The following MYO18B variants were observed in gnomAD, a reference collection of about 807,000 sequenced individuals.
MYO18B encodes the protein myosin XVIIIB.
Under a neutral mutation model 273.0 loss-of-function variants are expected in MYO18B, and 204 were observed. The ratio of observed to expected loss-of-function variants is 0.75; its 90% CI spans 0.67 to 0.84. The LOEUF (loss-of-function observed/expected upper bound fraction) is 0.84. Among genes scored for constraint, MYO18B ranks in the 40% least tolerant of loss-of-function variants. MYO18B has a pLI of 0.00. For missense variants in MYO18B, 3,212 were observed against 3,287.6 expected, an observed-to-expected ratio of 0.98 and a Z score of 0.56; for synonymous variants, 1,330 against 1,305.7, an observed-to-expected ratio of 1.02 and a Z score of -0.40.
Position 26,026,688 on chromosome 22 carries a change from G to C in MYO18B, c.6714G>C (p.Leu2238=). 6.2e-7 allele frequency: 1 copy of C among 1,613,918 alleles called. No individual in the cohort carries two copies. Among genetic ancestry groups the C allele is most frequent in the Non-Finnish European group, 8.5e-7 (1 of 1,179,882 alleles). Residue 2238 remains leucine (L), a synonymous_variant, in exon 43 of 44, where the codon CTG becomes CTC. Coordinates refer to ENST00000335473, the MANE Select transcript of MYO18B (RefSeq NM_032608.7). ...CTCGGAGTACAAATACATCCCCGCTGTCGAGGGAAAAGCTGCCCAGTCCTT... is the reference window on the plus strand; with the variant it reads ...CTCGGAGTACAAATACATCCCCGCTCTCGAGGGAAAAGCTGCCCAGTCCTT... ...LASRSTNTSP[L]SREKLPSPSA...
chr22:25,932,262 T>G (rs549774508), intron 34 of MYO18B, among the ~76,000 whole-genome samples: 101 of 152,320 alleles, frequency 6.6e-4, no homozygotes, highest in African/African-American at 2.4e-3. Flanking sequence ...ATTTTCTGAA[T>G]TATCTAAAAG....
intron 10 of MYO18B, 104 bp from the exon 11 acceptor site, chr22:25,785,324 G>A (rs1199118830): frequency 9.3e-7 from 1 of 1,081,038 alleles, no homozygotes; most frequent in Non-Finnish European, 1.4e-6. Context: ...CAGCCCCTGG[G>A]GTGTCCGGGC....
intron 7 of MYO18B, among the ~76,000 whole-genome samples, chr22:25,774,251 C>T (rs1264540484): frequency 4.6e-5 from 7 of 152,218 alleles, no homozygotes; most frequent in South Asian, 2.1e-4. Context: ...CTCCCACCAC[C>T]GCTGTCCATG....
At position 25,895,182 on chromosome 22, in the gene MYO18B, T is replaced by C; in HGVS notation, c.4570T>C (p.Cys1524Arg). ...AGACGAGTGGCAGATGCGCTTCGACTGTGCTCAGATGGAGAACGAGTTCCT... is the reference window on the plus strand; with the variant it reads ...AGACGAGTGGCAGATGCGCTTCGACCGTGCTCAGATGGAGAACGAGTTCCT... ...GADEWQMRFDCAQMENEFLRK... is the reference protein window; with the variant it reads ...GADEWQMRFDRAQMENEFLRK... The change falls in exon 28 of 44, where the codon TGT becomes CGT. Residue 1524 changes from cysteine (C) to arginine (R), a missense_variant. Physicochemically the swap from Cys to Arg is radical, Grantham distance 180. Coordinates refer to ENST00000335473, the MANE Select transcript of MYO18B (RefSeq NM_032608.7). 1 of 1,612,370 alleles carries C rather than the reference T, an allele frequency of 6.2e-7. No homozygotes were observed. Among genetic ancestry groups the C allele is most frequent in the South Asian group, 1.1e-5 (1 of 90,388 alleles).
intron 11 of MYO18B, among the ~76,000 whole-genome samples, chr22:25,791,409 G>T (rs1295842555): frequency 1.3e-5 from 2 of 152,060 alleles, no homozygotes; most frequent in African/African-American, 4.8e-5. Flanking sequence ...GCGCTGGCCG[G>T]GTCCTCAGAG....
chr22:25,803,223 A>G (rs2088303215), intron 12 of MYO18B, among the ~76,000 whole-genome samples: 1 of 151,948 alleles, frequency 6.6e-6, no homozygotes, highest in Non-Finnish European at 1.5e-5. Context: ...TCAGCCTCCC[A>G]AAGTGCTGGG....
chr22:26,034,483 A>G (rs1247713790), downstream of MYO18B, among the ~76,000 whole-genome samples: 3 of 152,240 alleles, frequency 2.0e-5, no homozygotes, highest in African/African-American at 4.8e-5. Context: ...GAGCTCATGA[A>G]TCAGCCCATT....
At chr22:25,808,186 G>A (rs1487140141) in intron 12 of MYO18B, among the ~76,000 whole-genome samples, 1 of 152,036 alleles carries the variant, frequency 6.6e-6, no homozygotes, top group Non-Finnish European at 1.5e-5. Context: ...AGCAAGATAC[G>A]ATTTCTCTGT....
chr22:25,803,403 G>GT (rs112440913), intron 12 of MYO18B, among the ~76,000 whole-genome samples: 10,079 of 149,928 alleles, frequency 0.067, 581 homozygotes, highest in East Asian at 0.21. Flanking sequence ...CCATGGACCA[G>GT]TTTTTTTTTT....
the MYO18B span, among the ~76,000 whole-genome samples, chr22:26,057,735 T>C: frequency 2.2e-4 from 33 of 152,296 alleles, no homozygotes; most frequent in African/African-American, 6.7e-4. Context: ...ATAGTTAAGA[T>C]AATGGAGACC....
At chr22:25,935,766 C>T (rs7292253) in intron 34 of MYO18B, among the ~76,000 whole-genome samples, 3,587 of 152,230 alleles carry the variant, frequency 0.024, 50 homozygotes, top group Middle Eastern at 0.078. Context: ...GTCATTTCCT[C>T]CTACAGAGGG....
chr22:25,772,244 T>G, intron 6 of MYO18B, 90 bp from the exon 7 acceptor site: 2 of 1,172,214 alleles, frequency 1.7e-6, no homozygotes, highest in Non-Finnish European at 1.2e-6. Flanking sequence ...GAGGAGGGCT[T>G]AGTGTGTGTT....
chr22:25,935,189 A>C lies in MYO18B; in HGVS notation c.5518-10948A>C, dbSNP rs141224365. 2.7e-3 allele frequency among the ~76,000 whole-genome samples: 406 copies of C among 152,342 alleles called. 1 individual carries two copies. Among genetic ancestry groups the C allele is most frequent in the East Asian group, 0.019 (100 of 5,180 alleles). On this transcript the variant is annotated intron_variant, in intron 34 of 43. Transcript: ENST00000335473. Reference sequence around the variant, plus strand: ...TGAAGCTAGCTTGGGAGAAGGGCACAAAACATCCTACTTTAAATGTGCCGC... The same window carrying C: ...TGAAGCTAGCTTGGGAGAAGGGCACCAAACATCCTACTTTAAATGTGCCGC...
intron 39 of MYO18B, among the ~76,000 whole-genome samples, chr22:25,979,597 C>A (rs941103353): frequency 2.0e-5 from 3 of 152,116 alleles, no homozygotes; most frequent in African/African-American, 7.2e-5. Context: ...GATGGCTATT[C>A]TTTGCCCCTT....
At chr22:26,017,571 AC>A (rs2146971652) in intron 42 of MYO18B, among the ~76,000 whole-genome samples, 1 of 152,318 alleles carries the variant, frequency 6.6e-6, no homozygotes, top group Admixed American at 6.5e-5. Flanking sequence ...CTTTTATGTT[AC>A]CCAATTATCC....
chr22:25,959,360 A>G (rs2092892375), intron 39 of MYO18B: 2 of 149,916 alleles, frequency 1.3e-5, no homozygotes, highest in African/African-American at 4.9e-5. Flanking sequence ...GCAGCCTCCA[A>G]CTCCTGGGCA....
At chr22:25,849,282 TG>T (rs1212747504) in intron 20 of MYO18B, among the ~76,000 whole-genome samples, 1 of 152,232 alleles carries the variant, frequency 6.6e-6, no homozygotes, top group Non-Finnish European at 1.5e-5. Context: ...TCAGCCATGA[TG>T]AGCTTTCCAA....
At chr22:25,773,244 A>G (rs1188656847) in intron 7 of MYO18B, among the ~76,000 whole-genome samples, 1 of 152,138 alleles carries the variant, frequency 6.6e-6, no homozygotes, top group Admixed American at 6.5e-5. Context: ...ACGCACAAAG[A>G]ACATCAGGGA....
the MYO18B span, among the ~76,000 whole-genome samples, chr22:26,054,284 G>C: frequency 1.3e-5 from 2 of 152,238 alleles, no homozygotes; most frequent in African/African-American, 4.8e-5. Flanking sequence ...TGTGGAAAGG[G>C]GCTGACAGTT....
Sources: allele counts gnomAD v4.1 joint callset (sites outside exome capture counted in the v4.1 genomes callset), GRCh38; gene constraint gnomAD v4.1.1; transcripts MANE v1.5; gene names NCBI Gene and HGNC (gene_info 2026-07-23, HGNC 2026-07-21).